The following ACSL3 variants were observed in gnomAD, a reference collection of about 807,000 sequenced individuals.
The protein encoded by ACSL3 is fatty acid CoA ligase Acsl3.
ACSL3 carries 34 observed loss-of-function variants against 84.7 expected under a neutral mutation model. That is an observed-to-expected ratio of 0.40 (90% CI 0.31 to 0.53). ACSL3 has a LOEUF of 0.53. Ranked by LOEUF, ACSL3 falls within the 20% of genes least tolerant of loss-of-function variation. The probability of loss-of-function intolerance (pLI) is 0.48; values close to 1 mark genes in which losing one functional copy is unlikely to be tolerated. For missense variants in ACSL3, 680 were observed against 873.1 expected (o/e 0.78, Z 2.79); for synonymous variants, 315 against 299.4 (o/e 1.05, Z -0.54).
intron 11 of ACSL3, 73 bp from the exon 12 acceptor site, chr2:222,926,944 G>A: frequency 6.7e-7 from 1 of 1,492,458 alleles, no homozygotes; most frequent in Middle Eastern, 1.8e-4. Context: ...TCAAAACTGG[G>A]GGATTAGTTT....
chr2:222,878,152 G>A (rs1445649433), intron 1 of ACSL3, among the ~76,000 whole-genome samples: 1 of 152,172 alleles, frequency 6.6e-6, no homozygotes, highest in Non-Finnish European at 1.5e-5. Flanking sequence ...ATGGACATGA[G>A]ATACTGAGTA....
intron 1 of ACSL3, among the ~76,000 whole-genome samples, chr2:222,878,495 G>A (rs1437787744): frequency 6.6e-6 from 1 of 152,130 alleles, no homozygotes; most frequent in East Asian, 1.9e-4. Context: ...TTGGCTTCTA[G>A]GGCACTGTTT....
At chr2:222,873,329 C>T (rs1695356444) in intron 1 of ACSL3, among the ~76,000 whole-genome samples, 1 of 150,432 alleles carries the variant, frequency 6.6e-6, no homozygotes, top group South Asian at 2.1e-4. Flanking sequence ...GATATTATTT[C>T]ATAATTCCAT....
chr2:222,916,095 C>T (rs941179151), intron 4 of ACSL3, among the ~76,000 whole-genome samples: 10 of 151,984 alleles, frequency 6.6e-5, no homozygotes, highest in Admixed American at 3.3e-4. Context: ...GCCAAAAAAC[C>T]CCCCAGTTAC....
chr2:222,869,824 T>A (rs1252528744), intron 1 of ACSL3, among the ~76,000 whole-genome samples: 1 of 152,026 alleles, frequency 6.6e-6, no homozygotes, highest in African/African-American at 2.4e-5. Context: ...ATAAATCACA[T>A]CCCATGGGGA....
At chr2:222,927,825 A>T (rs1696923827) in intron 12 of ACSL3, among the ~76,000 whole-genome samples, 1 of 152,214 alleles carries the variant, frequency 6.6e-6, no homozygotes, top group South Asian at 2.1e-4. Context: ...ATAGATACAA[A>T]ACCTCATGAC....
chr2:222,893,260 G>C (rs1444575641), intron 2 of ACSL3, among the ~76,000 whole-genome samples: 1 of 152,106 alleles, frequency 6.6e-6, no homozygotes, highest in East Asian at 1.9e-4. Context: ...TCTAAGTGTT[G>C]GGGCTCTCTG....
At chr2:222,895,353 C>T (rs1380206502) in intron 2 of ACSL3, among the ~76,000 whole-genome samples, 1 of 152,194 alleles carries the variant, frequency 6.6e-6, no homozygotes, top group Non-Finnish European at 1.5e-5. Flanking sequence ...GTGTGGCTCT[C>T]TTCTGCATAA....
intron 3 of ACSL3, among the ~76,000 whole-genome samples, chr2:222,908,359 G>A (rs1290815527): frequency 9.9e-5 from 15 of 152,160 alleles, no homozygotes; most frequent in Admixed American, 9.8e-4. Flanking sequence ...GGATGGATGT[G>A]TTGTATTTGT....
At chr2:222,915,370 G>A (rs554150629) in intron 4 of ACSL3, among the ~76,000 whole-genome samples, 2 of 152,186 alleles carry the variant, frequency 1.3e-5, no homozygotes, top group East Asian at 1.9e-4. Flanking sequence ...ATCCTTTTCC[G>A]TTTTTATCCA....
chr2:222,938,933 G>C (rs1419224712), intron 16 of ACSL3, among the ~76,000 whole-genome samples: 2 of 151,810 alleles, frequency 1.3e-5, no homozygotes, highest in Non-Finnish European at 2.9e-5. Context: ...TATTGTATTT[G>C]GTTCCAGAAT....
intron 1 of ACSL3, among the ~76,000 whole-genome samples, chr2:222,864,659 A>G (rs1046508109): frequency 6.6e-6 from 1 of 152,104 alleles, no homozygotes; most frequent in South Asian, 2.1e-4. Flanking sequence ...GAAAACGGAG[A>G]CAGAAACTGT....
chr2:222,911,819 A>G (rs373221231), intron 4 of ACSL3, among the ~76,000 whole-genome samples: 2 of 152,366 alleles, frequency 1.3e-5, no homozygotes, highest in East Asian at 3.9e-4. Context: ...TTTCCTGCTT[A>G]TCTTAACCAT....
intron 1 of ACSL3, among the ~76,000 whole-genome samples, chr2:222,883,553 G>GTC (rs1419115822): frequency 6.6e-5 from 10 of 152,126 alleles, no homozygotes; most frequent in African/African-American, 2.4e-4. Flanking sequence ...ACGTGGCTCT[G>GTC]TCTAGAAGTC....
rs200684670 is a variant in ACSL3 at position 222,927,028 on chromosome 2, G to A, written c.1304G>A (p.Arg435Gln). 146 of 1,610,496 alleles carry A rather than the reference G, an allele frequency of 9.1e-5. No individual in the cohort carries two copies. The highest frequency in any genetic ancestry group is 2.5e-4 in the African/African-American group (19 of 74,778). Residue 435 changes from arginine to glutamine, a missense_variant, in exon 12 of 17, where the codon CGG becomes CAG. This residue lies in a region of ACSL3 where 347 missense variants were observed against 525.7 expected (regional missense o/e 0.66). Coordinates refer to ENST00000357430, the MANE Select transcript of ACSL3 (RefSeq NM_004457.5). ...ATTTTTTTCTTTAGCTTTGTTTTCC[G>A]GAAAGTTCGAAGCTTGCTAGGGGGA... The part of the protein sequence containing the change: ...NTPLCDSFVF[R>Q]KVRSLLGGNI...
chr2:222,894,104 C>T (rs1695911774), intron 2 of ACSL3, among the ~76,000 whole-genome samples: 1 of 152,202 alleles, frequency 6.6e-6, no homozygotes, highest in Non-Finnish European at 1.5e-5. Context: ...CAATTTTTAA[C>T]ATAAAATTTT....
chr2:222,909,200 T>A, intron 4 of ACSL3, 50 bp downstream of exon 4: 1 of 1,547,226 alleles, frequency 6.5e-7, no homozygotes, highest in Non-Finnish European at 8.7e-7. Flanking sequence ...AAATATCCTG[T>A]TAGAAATGAA....
chr2:222,939,826 G>C (rs1697260177), intron 16 of ACSL3, among the ~76,000 whole-genome samples: 1 of 152,110 alleles, frequency 6.6e-6, no homozygotes, highest in Non-Finnish European at 1.5e-5. Context: ...AGGGGAAGGA[G>C]GGACTGCGTT....
chr2:222,891,611 G>A (rs1303011789), intron 2 of ACSL3, among the ~76,000 whole-genome samples: 2 of 152,236 alleles, frequency 1.3e-5, no homozygotes, highest in East Asian at 3.9e-4. Flanking sequence ...ATAGTTTAGG[G>A]AGAGTACTCA....
Sources: allele counts gnomAD v4.1 joint callset (sites outside exome capture counted in the v4.1 genomes callset), GRCh38; gene constraint gnomAD v4.1.1; regional missense constraint gnomAD v4.1.1; transcripts MANE v1.5; gene names NCBI Gene and HGNC (gene_info 2026-07-23, HGNC 2026-07-21).